The following CATSPERD variants were observed in gnomAD, a reference collection of about 807,000 sequenced individuals.
The protein encoded by CATSPERD is catsper channel auxiliary subunit delta.
In CATSPERD, 86 loss-of-function variants were observed where a neutral mutation model predicts 98.1. The observed-to-expected ratio is 0.88, with a 90% CI of 0.74 to 1.05. The LOEUF (loss-of-function observed/expected upper bound fraction) is 1.05, where lower values mean the gene tolerates loss of function less well. CATSPERD is among the 50% of genes least tolerant of loss of function. The pLI is 0.00. For synonymous variants in CATSPERD, 394 were observed against 390.2 expected, an observed-to-expected ratio of 1.01 and a Z score of -0.12; for missense variants, 995 against 1,005.7, an observed-to-expected ratio of 0.99 and a Z score of 0.14.
At chr19:5,748,406 G>A (rs2056137489) in intron 10 of CATSPERD, 151 bp downstream of exon 10, 1 of 649,096 alleles carries the variant, frequency 1.5e-6, no homozygotes. Flanking sequence ...CGAGGCGGGT[G>A]GATCACCTGA....
intron 11 of CATSPERD, among the ~76,000 whole-genome samples, chr19:5,751,440 A>C (rs1035342702): frequency 4.2e-5 from 6 of 143,584 alleles, no homozygotes; most frequent in Non-Finnish European, 3.0e-5. Context: ...AGGCTGAGGC[A>C]GGAGAATGGC....
intron 1 of CATSPERD, among the ~76,000 whole-genome samples, chr19:5,721,160 G>C (rs2055461660): frequency 6.6e-6 from 1 of 151,682 alleles, no homozygotes; most frequent in Non-Finnish European, 1.5e-5. Context: ...CACCACGCCC[G>C]GCTAATTTTT....
rs530869864 is a variant in CATSPERD at position 5,770,168 on chromosome 19, C to T, written c.1635-776C>T. Among the ~76,000 whole-genome samples, 125 of 151,864 alleles carry T rather than the reference C, an allele frequency of 8.2e-4. 1 individual carries two copies. Among genetic ancestry groups the T allele is most frequent in the African/African-American group, 2.8e-3 (118 of 41,404 alleles). On this transcript the variant is annotated intron_variant, in intron 18 of 21. Transcript: ENST00000381624. ...ACCGGCCGGGCGCAGTGGGTCACCC[C>T]TGTAATCCCTGCACTTTGGGAGGCT...
chr19:5,766,533 C>T (rs1419142498), intron 17 of CATSPERD, among the ~76,000 whole-genome samples: 1 of 151,474 alleles, frequency 6.6e-6, no homozygotes, highest in East Asian at 1.9e-4. Context: ...TGACAGGGCA[C>T]GATTAGCCAC....
intron 15 of CATSPERD, among the ~76,000 whole-genome samples, chr19:5,762,060 T>TATATATATATA (rs1568367069): frequency 3.3e-4 from 4 of 12,088 alleles, no homozygotes; most frequent in Non-Finnish European, 5.0e-4. Context: ...ATATATATAT[T>TATATATATATA]TTTTTTTTTT....
intron 20 of CATSPERD, chr19:5,775,371 G>A (rs990248717): frequency 4.5e-6 from 2 of 445,376 alleles, no homozygotes; most frequent in South Asian, 1.6e-5. Context: ...AGGCGAGGTG[G>A]CCACGCCTGT....
intron 20 of CATSPERD, among the ~76,000 whole-genome samples, chr19:5,775,597 C>T (rs1004884974): frequency 1.4e-5 from 2 of 140,170 alleles, no homozygotes; most frequent in Non-Finnish European, 3.0e-5. Flanking sequence ...TGCAGTAAGC[C>T]GAGATCGCGC....
chr19:5,770,017 A>G (rs899168187), intron 18 of CATSPERD, among the ~76,000 whole-genome samples: 19 of 149,778 alleles, frequency 1.3e-4, no homozygotes, highest in African/African-American at 4.4e-4. Context: ...TCAACCCGGG[A>G]GGCGGAGGTT....
intron 14 of CATSPERD, among the ~76,000 whole-genome samples, 161 bp downstream of exon 14, chr19:5,758,093 A>G (rs2056361826): frequency 6.6e-6 from 1 of 151,984 alleles, no homozygotes; most frequent in Admixed American, 6.6e-5. Flanking sequence ...CACACGCTTG[A>G]CCTCATTAAA....
At chr19:5,770,913 C>A (rs1309235612) in intron 18 of CATSPERD, 31 bp from the exon 19 acceptor site, 2 of 1,580,266 alleles carry the variant, frequency 1.3e-6, no homozygotes, top group African/African-American at 2.7e-5. Flanking sequence ...AACTCACAGA[C>A]TCCCCATCTC....
At chr19:5,771,131 G>A in intron 19 of CATSPERD, 59 bp downstream of exon 19, 1 of 1,560,256 alleles carries the variant, frequency 6.4e-7, no homozygotes, top group Non-Finnish European at 8.7e-7. Flanking sequence ...ATGCTCCCTG[G>A]CCCTGGGGTA....
chr19:5,775,266 G>A (rs1260280134), intron 20 of CATSPERD: 1 of 471,434 alleles, frequency 2.1e-6, no homozygotes, highest in East Asian at 6.9e-5. Context: ...GAGGCATGGG[G>A]AAGAAGAGAG....
intron 21 of CATSPERD, among the ~76,000 whole-genome samples, chr19:5,776,589 C>T (rs1275295083): frequency 6.6e-6 from 1 of 152,200 alleles, no homozygotes; most frequent in Non-Finnish European, 1.5e-5. Flanking sequence ...TCTCCTACTC[C>T]CCATGGCTAG....
At chr19:5,754,107 C>G in intron 12 of CATSPERD, 25 bp from the exon 13 acceptor site, 1 of 1,485,894 alleles carries the variant, frequency 6.7e-7, no homozygotes, top group East Asian at 2.3e-5. Context: ...GCATGATTAT[C>G]TTTCTTCTTC....
chr19:5,738,237 C>A (rs2055885773), intron 6 of CATSPERD, among the ~76,000 whole-genome samples: 1 of 151,326 alleles, frequency 6.6e-6, no homozygotes, highest in South Asian at 2.1e-4. Context: ...GAAACCCCGT[C>A]TCTACTAAAA....
chr19:5,754,150 G>A lies in CATSPERD; in HGVS notation c.1183G>A (p.Glu395Lys), dbSNP rs774391400. The stretch of plus-strand genomic sequence containing the variant: ...TAACTAGATAGAGTTTCTGACAGGA[G>A]AATTTATATACAGGATGTATACCAT... ...GKCKIEFLTG[E>K]FIYRMYTIDM... Residue 395 changes from glutamate (E) to lysine (K), a missense_variant, in exon 13 of 22, where the codon GAA (glutamate) becomes AAA (lysine). Physicochemically the swap from Glu to Lys is moderately conservative, Grantham distance 56. This residue lies in a region of CATSPERD where 762 missense variants were observed against 773.7 expected (regional missense o/e 0.98). Coordinates refer to ENST00000381624, the MANE Select transcript of CATSPERD (RefSeq NM_152784.4). 1.2e-6 allele frequency: 2 copies of A among 1,611,590 alleles called. No homozygotes were observed. The highest frequency in any genetic ancestry group is 1.7e-6 in the Non-Finnish European group (2 of 1,177,796).
At chr19:5,777,884 C>CAA (rs1555729001) in intron 21 of CATSPERD, among the ~76,000 whole-genome samples, 2 of 149,390 alleles carry the variant, frequency 1.3e-5, no homozygotes, top group Non-Finnish European at 3.0e-5. Context: ...TTTCAAAAAA[C>CAA]AAACAAAACA....
chr19:5,746,686 G>A (rs1012775298), intron 9 of CATSPERD, among the ~76,000 whole-genome samples: 1 of 152,102 alleles, frequency 6.6e-6, no homozygotes, highest in African/African-American at 2.4e-5. Flanking sequence ...ACCTGCCTCG[G>A]CCTCCCAAAG....
At chr19:5,721,141 G>T (rs2055460297) in intron 1 of CATSPERD, among the ~76,000 whole-genome samples, 1 of 151,390 alleles carries the variant, frequency 6.6e-6, no homozygotes, top group Non-Finnish European at 1.5e-5. Context: ...TGGGACTACA[G>T]GCGCCTGCCA....
Sources: gnomAD v4.1 joint callset for allele counts (sites outside exome capture counted in the v4.1 genomes callset) on GRCh38, gnomAD v4.1.1 for gene constraint, gnomAD v4.1.1 regional missense constraint, MANE v1.5 for transcripts, NCBI Gene and HGNC (gene_info 2026-07-23, HGNC 2026-07-21) for gene names.